PYY: variants seen among roughly 807,000 people sequenced by gnomAD.
PYY encodes peptide YY, also known as peptide tyrosine tyrosine.
In PYY, 12 loss-of-function variants were observed where a neutral mutation model predicts 10.3. The observed-to-expected ratio is 1.17, with a 90% CI of 0.75 to 1.89. The LOEUF is 1.89. PYY is among the 40% of genes most tolerant of loss of function. The pLI, the probability that PYY is intolerant of heterozygous loss-of-function variation, is 0.00. For synonymous variants in PYY, 66 were observed against 62.0 expected (o/e 1.06, Z -0.30); for missense variants, 141 against 134.0 (o/e 1.05, Z -0.26).
intron 1 of PYY, among the ~76,000 whole-genome samples, chr17:43,982,458 G>T (rs2048889728): frequency 1.3e-5 from 2 of 152,274 alleles, no homozygotes. Context: ...TAACTACAGT[G>T]TGAACCATGC....
At chr17:43,996,087 A>C (rs1205220733) in intron 1 of PYY, among the ~76,000 whole-genome samples, 1 of 152,144 alleles carries the variant, frequency 6.6e-6, no homozygotes, top group Admixed American at 6.5e-5. Flanking sequence ...ACTTATAACC[A>C]ATAGGATGGG....
chr17:43,972,191 T>TTTTATTTTATTTATTTA (rs1555617854), intron 1 of PYY, among the ~76,000 whole-genome samples: 1 of 138,204 alleles, frequency 7.2e-6, no homozygotes, highest in South Asian at 2.4e-4. Flanking sequence ...TTTTATTTTA[T>TTTTATTTTATTTATTTA]TTTATTTATT....
At chr17:43,992,141 A>AC (rs1463059144) in intron 1 of PYY, among the ~76,000 whole-genome samples, 1 of 151,608 alleles carries the variant, frequency 6.6e-6, no homozygotes, top group Non-Finnish European at 1.5e-5. Context: ...AAAAAAAAAA[A>AC]ACCTTTACCA....
chr17:43,982,276 G>C (rs2048888548), intron 1 of PYY, among the ~76,000 whole-genome samples: 1 of 152,246 alleles, frequency 6.6e-6, no homozygotes, highest in Non-Finnish European at 1.5e-5. Context: ...GCCGGCAGGA[G>C]AAGCCACCTC....
At chr17:43,994,062 T>C (rs551696456) in intron 1 of PYY, among the ~76,000 whole-genome samples, 90 of 152,168 alleles carry the variant, frequency 5.9e-4, no homozygotes, top group Non-Finnish European at 9.3e-4. Context: ...CTACATTACC[T>C]GGGCTTGTCT....
chr17:43,958,531 C>T (rs985748193), upstream of PYY, among the ~76,000 whole-genome samples: 24 of 152,280 alleles, frequency 1.6e-4, no homozygotes, highest in African/African-American at 4.8e-4. Context: ...AGGCACATGC[C>T]ACCACGCCTG....
intron 1 of PYY, among the ~76,000 whole-genome samples, chr17:43,985,681 C>CTA (rs2048911666): frequency 6.6e-6 from 1 of 152,132 alleles, no homozygotes; most frequent in South Asian, 2.1e-4. Flanking sequence ...TAGCACAAGG[C>CTA]TATTCATCAA....
At chr17:43,988,435 C>T (rs944415307) in intron 1 of PYY, among the ~76,000 whole-genome samples, 4 of 152,190 alleles carry the variant, frequency 2.6e-5, no homozygotes, top group Non-Finnish European at 5.9e-5. Context: ...CAGACCACCT[C>T]GCTTTGCCAG....
intron 1 of PYY, among the ~76,000 whole-genome samples, chr17:43,985,701 C>T (rs1292169919): frequency 6.6e-6 from 1 of 152,078 alleles, no homozygotes; most frequent in Non-Finnish European, 1.5e-5. Context: ...ATGTGATGAA[C>T]AGTAGCACAC....
chr17:43,953,010 C>A, intron 3 of PYY, 30 bp from the exon 4 acceptor site: 4 of 1,582,814 alleles, frequency 2.5e-6, no homozygotes, highest in Non-Finnish European at 8.6e-7. Context: ...GGAATTGGAT[C>A]TGGGGAGGCG....
chr17:43,991,453 C>T (rs573665997), intron 1 of PYY, among the ~76,000 whole-genome samples: 1 of 152,078 alleles, frequency 6.6e-6, no homozygotes, highest in Admixed American at 6.6e-5. Flanking sequence ...TAAATAAGAT[C>T]TCAACTGGGA....
chr17:43,976,429 A>ATG (rs2048848561), intron 1 of PYY, among the ~76,000 whole-genome samples: 1 of 150,412 alleles, frequency 6.6e-6, no homozygotes, highest in Admixed American at 6.7e-5. Context: ...ATATACATAT[A>ATG]TACACATATA....
At chr17:43,982,135 A>G (rs922999289) in intron 1 of PYY, among the ~76,000 whole-genome samples, 1 of 152,110 alleles carries the variant, frequency 6.6e-6, no homozygotes, top group African/African-American at 2.4e-5. Flanking sequence ...AGCCCTGCCT[A>G]CCTGCATATT....
At chr17:43,975,716 A>G (rs1380997797) in intron 1 of PYY, among the ~76,000 whole-genome samples, 9 of 85,598 alleles carry the variant, frequency 1.1e-4, no homozygotes, top group African/African-American at 5.8e-4. Context: ...TAAGACCCTG[A>G]AAAAAAAAAA....
At chr17:43,989,649 G>C (rs541163310) in intron 1 of PYY, among the ~76,000 whole-genome samples, 1 of 150,468 alleles carries the variant, frequency 6.6e-6, no homozygotes, top group African/African-American at 2.4e-5. Flanking sequence ...TATGACAAAG[G>C]GTTAATACAA....
intron 1 of PYY, among the ~76,000 whole-genome samples, chr17:44,002,199 C>A (rs994175754): frequency 2.0e-5 from 3 of 152,140 alleles, no homozygotes; most frequent in Non-Finnish European, 4.4e-5. Context: ...GTCTCCCCCC[C>A]GGGACAGTGT....
At chr17:43,997,095 G>C (rs1363285615) in intron 1 of PYY, among the ~76,000 whole-genome samples, 1 of 152,124 alleles carries the variant, frequency 6.6e-6, no homozygotes, top group African/African-American at 2.4e-5. Flanking sequence ...CTGGAGTGCA[G>C]TGGCATGATC....
At chr17:43,968,827 G>A (rs1168711754) in intron 1 of PYY, among the ~76,000 whole-genome samples, 1 of 150,768 alleles carries the variant, frequency 6.6e-6, no homozygotes, top group Admixed American at 6.6e-5. Flanking sequence ...AAATAAATAA[G>A]CCGAGCTCAG....
chr17:43,971,500 G>C (rs1333311279), intron 1 of PYY, among the ~76,000 whole-genome samples: 1 of 151,260 alleles, frequency 6.6e-6, no homozygotes, highest in Non-Finnish European at 1.5e-5. Context: ...AACCTGGGAG[G>C]TGTAGGTTGC....
Sources: gnomAD v4.1 joint callset for allele counts (sites outside exome capture counted in the v4.1 genomes callset) on GRCh38, gnomAD v4.1.1 for gene constraint, MANE v1.5 for transcripts, NCBI Gene and HGNC (gene_info 2026-07-23, HGNC 2026-07-21) for gene names.